COLGALT2: variants seen among roughly 807,000 people sequenced by gnomAD.
The protein encoded by COLGALT2 is procollagen galactosyltransferase 2.
COLGALT2 carries 49 observed loss-of-function variants against 73.4 expected under a neutral mutation model. The ratio of observed to expected loss-of-function variants is 0.67; its 90% confidence interval spans 0.53 to 0.85. COLGALT2 has a LOEUF of 0.85. COLGALT2 is among the 40% of genes least tolerant of loss of function. COLGALT2 has a pLI of 0.00. For missense variants in COLGALT2, 722 were observed against 790.2 expected (o/e 0.91, Z 1.03); for synonymous variants, 295 against 307.6 (o/e 0.96, Z 0.43).
intron 1 of COLGALT2, among the ~76,000 whole-genome samples, chr1:183,981,145 G>A (rs1373181117): frequency 6.6e-6 from 1 of 152,100 alleles, no homozygotes; most frequent in Non-Finnish European, 1.5e-5. Flanking sequence ...TATGATAAGG[G>A]TGTCGTAATA....
Position 183,937,568 on chromosome 1 carries a change from G to A in COLGALT2, c.*1193C>T, listed in dbSNP as rs1329018149. The A allele has an allele frequency of 1.0e-6, 1 of 985,246 alleles. No individual in the cohort carries two copies. Among genetic ancestry groups the A allele is most frequent in the African/African-American group, 1.7e-5 (1 of 57,182 alleles). The allele number at this position is 985,246 out of a possible 1,614,324, so 61.0% of individuals were successfully genotyped here. A position where few individuals can be genotyped will look rare whatever the true frequency, so the allele number is the denominator to read the frequency against. On this transcript the variant is annotated 3_prime_UTR_variant, in exon 12 of 12. Transcript: ENST00000361927. ...GACCAGGTTTCTCACCTGAGATAGA[G>A]AATCATTTGTTTCCAAATAGTTCAA...
At chr1:183,962,285 G>A (rs1670732321) in intron 6 of COLGALT2, among the ~76,000 whole-genome samples, 1 of 147,598 alleles carries the variant, frequency 6.8e-6, no homozygotes, top group South Asian at 2.2e-4. Flanking sequence ...TCAGCCTTCC[G>A]AGTAACTGGG....
chr1:184,001,842 T>A (rs1285254499), intron 1 of COLGALT2, among the ~76,000 whole-genome samples: 1 of 152,230 alleles, frequency 6.6e-6, no homozygotes, highest in African/African-American at 2.4e-5. Flanking sequence ...CTGAATCTCA[T>A]AGTCATTATA....
Position 183,937,405 on chromosome 1 carries a change from T to C in COLGALT2, c.*1356A>G, listed in dbSNP as rs1669984682. ...GGGAAGAAATCGTGTAGTCCAACTC[T>C]GCATTTTACATAAAATCAATCTGTG... is the stretch of plus-strand genomic sequence containing the variant. On this transcript the variant is annotated 3_prime_UTR_variant, in exon 12 of 12. Coordinates refer to ENST00000361927, the MANE Select transcript of COLGALT2 (RefSeq NM_015101.4). The C allele has an allele frequency of 3.0e-6, 3 of 990,818 alleles. No individual in the cohort carries two copies. The highest frequency in any genetic ancestry group is 6.1e-5 in the Admixed American group (1 of 16,394). The allele number at this position is 990,818 out of a possible 1,614,324, so 61.4% of individuals were successfully genotyped here.
At chr1:183,948,670 A>G (rs540359621) in intron 8 of COLGALT2, among the ~76,000 whole-genome samples, 1 of 152,324 alleles carries the variant, frequency 6.6e-6, no homozygotes, top group South Asian at 2.1e-4. Context: ...ACAAATCAAG[A>G]AACTGCACTC....
At chr1:183,948,961 C>A (rs1294433005) in intron 8 of COLGALT2, among the ~76,000 whole-genome samples, 1 of 152,102 alleles carries the variant, frequency 6.6e-6, no homozygotes, top group Admixed American at 6.5e-5. Context: ...GAAAATAGAA[C>A]TAAGGAAATA....
intron 1 of COLGALT2, among the ~76,000 whole-genome samples, chr1:184,004,829 A>G (rs914614640): frequency 1.3e-5 from 2 of 152,056 alleles, no homozygotes; most frequent in Non-Finnish European, 2.9e-5. Context: ...AGGGAGTCAC[A>G]GAGAGTCACA....
intron 4 of COLGALT2, among the ~76,000 whole-genome samples, chr1:183,973,322 A>T (rs186892724): frequency 6.6e-5 from 10 of 152,248 alleles, no homozygotes; most frequent in Admixed American, 6.5e-4. Context: ...TTTTGTAAGG[A>T]CAAAAAGAAT....
downstream of COLGALT2, among the ~76,000 whole-genome samples, chr1:183,931,086 G>A (rs1346455203): frequency 3.3e-5 from 5 of 152,294 alleles, no homozygotes; most frequent in African/African-American, 7.2e-5. Context: ...CAGTGGCCTC[G>A]TATTATAGAT....
chr1:183,974,232 C>A, intron 3 of COLGALT2, among the ~76,000 whole-genome samples: 1 of 152,144 alleles, frequency 6.6e-6, no homozygotes, highest in East Asian at 1.9e-4. Context: ...TTATATCAAC[C>A]CATGCTAACC....
rs1670511201 is a variant in COLGALT2 at position 183,954,903 on chromosome 1, CCG to C, written c.953-67_953-66del. ...AAAGGGTCAGAAATCAGAATTCCAT[CCG>C]CATGCCTGATCTCTAGGGTTGGAAT... is the stretch of plus-strand genomic sequence containing the variant. On this transcript the variant is annotated intron_variant, in intron 6 of 11. Coordinates refer to ENST00000361927, the MANE Select transcript of COLGALT2 (RefSeq NM_015101.4). The C allele has an allele frequency of 2.5e-6, 3 of 1,222,024 alleles. No homozygotes were observed. In the Admixed American group the frequency reaches 5.1e-5, roughly 21 times the overall value. 75.7% of individuals were successfully genotyped at this position (1,222,024 alleles called of 1,614,324 possible).
chr1:183,942,125 T>G (rs1292943208), intron 10 of COLGALT2, among the ~76,000 whole-genome samples: 3 of 152,104 alleles, frequency 2.0e-5, no homozygotes, highest in Non-Finnish European at 4.4e-5. Context: ...ATTTTTTGTA[T>G]TTTTACTAGA....
chr1:183,992,745 G>T (rs1043555393), intron 1 of COLGALT2, among the ~76,000 whole-genome samples: 19 of 152,304 alleles, frequency 1.2e-4, no homozygotes, highest in African/African-American at 3.6e-4. Flanking sequence ...GGTGACTTTG[G>T]AAGGTAGGAC....
downstream of COLGALT2, among the ~76,000 whole-genome samples, chr1:183,931,515 T>G (rs1458466271): frequency 6.6e-6 from 1 of 152,032 alleles, no homozygotes; most frequent in Non-Finnish European, 1.5e-5. Context: ...TCCCCGGGGG[T>G]GCCTGCAGCG....
intron 1 of COLGALT2, among the ~76,000 whole-genome samples, chr1:183,989,846 C>T (rs1458940376): frequency 6.6e-6 from 1 of 152,154 alleles, no homozygotes; most frequent in African/African-American, 2.4e-5. Context: ...GCTGCATCTA[C>T]CTAGCTCACT....
chr1:183,978,983 C>T (rs1308648911), intron 1 of COLGALT2, among the ~76,000 whole-genome samples: 1 of 152,248 alleles, frequency 6.6e-6, no homozygotes, highest in South Asian at 2.1e-4. Flanking sequence ...TTTCTGACCG[C>T]AGCAAAATAT....
intron 2 of COLGALT2, among the ~76,000 whole-genome samples, chr1:183,977,622 C>A (rs924130419): frequency 2.0e-5 from 3 of 151,880 alleles, no homozygotes; most frequent in African/African-American, 7.3e-5. Context: ...CATGTCTCTA[C>A]AAAAAATAAA....
Position 184,014,544 on chromosome 1 carries a change from GT to G in COLGALT2, c.263+22550del, listed in dbSNP as rs200990751. Among the ~76,000 whole-genome samples, 894 of 152,324 alleles carry G rather than the reference GT, an allele frequency of 5.9e-3. 2 individuals carry two copies. Among genetic ancestry groups the G allele is most frequent in the Middle Eastern group, 0.01 (3 of 294 alleles). ...AAGTGAGAATGCTAAACTGGCAAAT[GT>G]CGACCATTCTCTCAAGAAGTTTGAC... is the stretch of plus-strand genomic sequence containing the variant. On this transcript the variant is annotated intron_variant, in intron 1 of 11. Transcript: ENST00000361927.
rs1323476632 is a variant in COLGALT2 at position 184,037,401 on chromosome 1, C to A, written c.-44G>T. 3 of 1,314,280 alleles carry A rather than the reference C, an allele frequency of 2.3e-6. No homozygotes were observed. The highest frequency in any genetic ancestry group is 2.9e-6 in the Non-Finnish European group (3 of 1,035,560). 81.4% of individuals were successfully genotyped at this position (1,314,280 alleles called of 1,614,324 possible). ...CGGCGGGGAAGTCCTGGCGCGAGCG[C>A]CCGGCTGGGCTGCCTGAGGGCGGCG... On this transcript the variant is annotated 5_prime_UTR_variant, in exon 1 of 12. Coordinates refer to ENST00000361927, the MANE Select transcript of COLGALT2 (RefSeq NM_015101.4).
Sources: allele counts gnomAD v4.1 joint callset (sites outside exome capture counted in the v4.1 genomes callset), GRCh38; gene constraint gnomAD v4.1.1; transcripts MANE v1.5; gene names NCBI Gene and HGNC (gene_info 2026-07-23, HGNC 2026-07-21).